The following ZCCHC10 variants were observed in gnomAD, a reference collection of about 807,000 sequenced individuals.
ZCCHC10 encodes zinc finger CCHC-type containing 10.
In ZCCHC10, 16 loss-of-function variants were observed where a neutral mutation model predicts 19.5. That is an observed-to-expected ratio of 0.82 (90% confidence interval 0.56 to 1.25). The LOEUF (loss-of-function observed/expected upper bound fraction) is 1.25. Ranked by LOEUF, ZCCHC10 falls within the 50% of genes most tolerant of loss-of-function variation. ZCCHC10 has a pLI of 0.00. For missense variants in ZCCHC10, 197 were observed against 201.0 expected (o/e 0.98, Z 0.12); for synonymous variants, 67 against 72.5 (o/e 0.92, Z 0.38).
chr5:132,998,855 T>C lies in ZCCHC10; in HGVS notation c.312-5A>G, dbSNP rs759217563. 6.2e-7 allele frequency: 1 copy of C among 1,613,646 alleles called. No homozygotes were observed. The highest frequency in any genetic ancestry group is 8.5e-7 in the Non-Finnish European group (1 of 1,179,782). ...GAACTGGTTACACTCTTAGACCTAT[T>C]AGACAATACAGAGTTATATACATGG... On this transcript the variant is annotated splice_region_variant and splice_polypyrimidine_tract_variant and intron_variant, in intron 4 of 4. Coordinates refer to ENST00000509437, the MANE Select transcript of ZCCHC10 (RefSeq NM_001300816.3).
intron 2 of ZCCHC10, among the ~76,000 whole-genome samples, chr5:133,016,917 G>A (rs1387877779): frequency 3.1e-5 from 4 of 128,866 alleles, no homozygotes; most frequent in Non-Finnish European, 3.3e-5. Context: ...CCCCACCCAC[G>A]ACTCCCATTG....
intron 2 of ZCCHC10, among the ~76,000 whole-genome samples, chr5:133,022,457 C>T (rs948260731): frequency 3.5e-5 from 5 of 141,550 alleles, no homozygotes; most frequent in Non-Finnish European, 7.8e-5. Context: ...TATTGTTCAA[C>T]TTTTTTTTTT....
intron 1 of ZCCHC10, among the ~76,000 whole-genome samples, chr5:133,023,655 C>G (rs747456622): frequency 2.0e-5 from 3 of 151,688 alleles, no homozygotes; most frequent in Non-Finnish European, 2.9e-5. Context: ...TGCCTGTAAT[C>G]CCAGCTAAAG....
intron 3 of ZCCHC10, 135 bp from the exon 4 acceptor site, chr5:133,000,308 T>C: frequency 2.2e-6 from 2 of 929,424 alleles, no homozygotes; most frequent in East Asian, 2.7e-5. Context: ...CAGAGTACAG[T>C]ATTTCTTATT....
At position 132,998,822 on chromosome 5, in the gene ZCCHC10, T is replaced by C. The variant is rs1481349808; in HGVS notation, c.340A>G (p.Ser114Gly). ...RSKSVTSSSSSSSDSSASDSS... is the reference protein window; with the variant it reads ...RSKSVTSSSSGSSDSSASDSS... ...TCACTGGCAGAACTGTCACTGCTAC[T>C]GCTACTGGAACTGGTTACACTCTTA... Residue 114 changes from serine to glycine, a missense_variant, in exon 5 of 5, where the codon AGT (serine) becomes GGT (glycine). By Grantham distance (56) the Ser-to-Gly change is moderately conservative. Transcript: ENST00000509437. 6.2e-7 allele frequency: 1 copy of C among 1,614,202 alleles called. No individual in the cohort carries two copies. The highest frequency in any genetic ancestry group is 1.1e-5 in the South Asian group (1 of 91,084).
chr5:133,015,385 G>A (rs577685776), intron 2 of ZCCHC10, among the ~76,000 whole-genome samples: 1 of 152,202 alleles, frequency 6.6e-6, no homozygotes, highest in East Asian at 1.9e-4. Context: ...GGCCTGTAAA[G>A]TTACTTTTCA....
chr5:133,012,923 T>C (rs1213898814), intron 2 of ZCCHC10, among the ~76,000 whole-genome samples: 5 of 151,100 alleles, frequency 3.3e-5, no homozygotes, highest in Admixed American at 6.6e-5. Context: ...CAGTGGCGGG[T>C]GCCTGTAGTC....
rs569970062 is a variant in ZCCHC10, at chr5:133,006,739, G to C, written c.269+20C>G. 1.3e-6 allele frequency: 2 copies of C among 1,572,334 alleles called. No homozygotes were observed. Among genetic ancestry groups the C allele is most frequent in the Non-Finnish European group, 1.7e-6 (2 of 1,163,816 alleles). ...TACACATTAAAAAAATATTCCTTTG[G>C]ATACCACATGTAAACCTACCTTTGT... On this transcript the variant is annotated intron_variant, in intron 3 of 4. Transcript: ENST00000509437.
intron 3 of ZCCHC10, among the ~76,000 whole-genome samples, chr5:133,002,381 T>C (rs1046188997): frequency 1.3e-5 from 2 of 152,272 alleles, no homozygotes; most frequent in South Asian, 2.1e-4. Flanking sequence ...TTTATGTATT[T>C]ATTTTTTGTA....
At position 132,998,541 on chromosome 5, in the gene ZCCHC10, T is replaced by C; in HGVS notation, c.*42A>G. The C allele has an allele frequency of 6.4e-7, 1 of 1,560,210 alleles. No homozygotes were observed. Reference sequence around the variant, plus strand: ...TCTAAATTCCCTTTCAAGAATCACATCAATGTTTTCAGTCCATCAGTCCAA... The same window carrying C: ...TCTAAATTCCCTTTCAAGAATCACACCAATGTTTTCAGTCCATCAGTCCAA... On this transcript the variant is annotated 3_prime_UTR_variant, in exon 5 of 5. Transcript: ENST00000509437.
chr5:133,000,363 T>C (rs1044942374), intron 3 of ZCCHC10, among the ~76,000 whole-genome samples, 190 bp from the exon 4 acceptor site: 2 of 152,198 alleles, frequency 1.3e-5, no homozygotes, highest in Non-Finnish European at 2.9e-5. Flanking sequence ...ATACGGTACA[T>C]GCAGTCAACT....
rs529695384 is a variant in ZCCHC10 at position 133,023,111 on chromosome 5, C to T, written c.42-205G>A. 1.2e-3 allele frequency among the ~76,000 whole-genome samples: 188 copies of T among 152,140 alleles called. 1 individual carries two copies. The highest frequency in any genetic ancestry group is 4.3e-3 in the African/African-American group (180 of 41,506). ...TTATAAATATTATTGTTTTTCAGCT[C>T]AACATAAACTTTTAGATAGATTTGA... On this transcript the variant is annotated intron_variant, in intron 1 of 4. Transcript: ENST00000509437.
At chr5:133,022,724 T>C in intron 2 of ZCCHC10, 117 bp downstream of exon 2, 1 of 383,852 alleles carries the variant, frequency 2.6e-6, no homozygotes, top group Non-Finnish European at 4.7e-6. Flanking sequence ...GTGCTGGGAT[T>C]ACAGGCATGA....
At chr5:133,010,219 T>C (rs1220185871) in intron 2 of ZCCHC10, among the ~76,000 whole-genome samples, 1 of 152,056 alleles carries the variant, frequency 6.6e-6, no homozygotes, top group Admixed American at 6.6e-5. Flanking sequence ...CGGCTAATTT[T>C]TTTTATTTTA....
At chr5:133,000,841 T>G (rs1338914183) in intron 3 of ZCCHC10, among the ~76,000 whole-genome samples, 2 of 151,546 alleles carry the variant, frequency 1.3e-5, no homozygotes, top group East Asian at 4.0e-4. Flanking sequence ...CAGGGTTTTA[T>G]CATACTGGCC....
intron 2 of ZCCHC10, among the ~76,000 whole-genome samples, chr5:133,012,964 T>C (rs1354379466): frequency 6.7e-6 from 1 of 149,504 alleles, no homozygotes; most frequent in East Asian, 2.0e-4. Context: ...GGCAGGAGAA[T>C]GGCGTGAACC....
chr5:133,015,085 T>A (rs1286441078), intron 2 of ZCCHC10, among the ~76,000 whole-genome samples: 2 of 150,674 alleles, frequency 1.3e-5, no homozygotes, highest in Non-Finnish European at 3.0e-5. Context: ...AGGTTTTTTT[T>A]TTTTTTTTTT....
chr5:133,025,652 G>A (rs1282048343), intron 1 of ZCCHC10, among the ~76,000 whole-genome samples: 1 of 151,940 alleles, frequency 6.6e-6, no homozygotes, highest in Non-Finnish European at 1.5e-5. Flanking sequence ...TAAGTTTCAG[G>A]CTCAAAGCAA....
At position 133,001,727 on chromosome 5, in the gene ZCCHC10, G is replaced by T. The variant is rs554423918; in HGVS notation, c.270-1554C>A. Among the ~76,000 whole-genome samples the T allele has an allele frequency of 1.6e-3, 241 of 152,134 alleles. 1 individual carries two copies. The highest frequency in any genetic ancestry group is 2.8e-3 in the Non-Finnish European group (193 of 68,014). ...TCACCTCAGCTTCCCAAAGTGTTGGGATTACAAGTGTGAGCCACCACACAT... is the reference window on the plus strand; with the variant it reads ...TCACCTCAGCTTCCCAAAGTGTTGGTATTACAAGTGTGAGCCACCACACAT... On this transcript the variant is annotated intron_variant, in intron 3 of 4. Transcript: ENST00000509437.
Sources: gnomAD v4.1 joint callset for allele counts (sites outside exome capture counted in the v4.1 genomes callset) on GRCh38, gnomAD v4.1.1 for gene constraint, MANE v1.5 for transcripts, NCBI Gene and HGNC (gene_info 2026-07-23, HGNC 2026-07-21) for gene names.